Variants in ARHGAP20 observed in about 807,000 individuals in gnomAD.
The protein encoded by ARHGAP20 is rho GTPase-activating protein 20.
In ARHGAP20, 34 loss-of-function variants were observed where a neutral mutation model predicts 73.7. The ratio of observed to expected loss-of-function variants is 0.46; its 90% CI spans 0.35 to 0.61. The LOEUF (loss-of-function observed/expected upper bound fraction) is 0.61, where lower values mean the gene tolerates loss of function less well. Ranked by LOEUF, ARHGAP20 falls within the 20% of genes least tolerant of loss-of-function variation. The pLI is 0.00. For missense variants in ARHGAP20, 1,314 were observed against 1,420.9 expected, an observed-to-expected ratio of 0.92 and a Z score of 1.21; for synonymous variants, 523 against 518.2, an observed-to-expected ratio of 1.01 and a Z score of -0.13.
At chr11:110,687,087 G>GACACACAC (rs71057024) in intron 2 of ARHGAP20, among the ~76,000 whole-genome samples, 1,981 of 136,592 alleles carry the variant, frequency 0.015, 54 homozygotes, top group African/African-American at 0.047. Flanking sequence ...CATATATATA[G>GACACACAC]ACACACACAC....
intron 1 of ARHGAP20, 73 bp downstream of exon 1, chr11:110,712,054 G>A (rs1405643634): frequency 8.8e-6 from 11 of 1,246,192 alleles, no homozygotes; most frequent in Non-Finnish European, 1.1e-5. Flanking sequence ...CTGCTGTGGC[G>A]GGCGCGGAGG....
intron 2 of ARHGAP20, among the ~76,000 whole-genome samples, chr11:110,660,373 T>G (rs894866903): frequency 6.6e-6 from 1 of 152,158 alleles, no homozygotes; most frequent in African/African-American, 2.4e-5. Context: ...GAAAGAACTG[T>G]GTGAACCAGA....
rs772839808 is a variant in ARHGAP20 at position 110,590,638 on chromosome 11, C to A, written c.1305+10G>T. ...CACCATGGGGTGGATAAAGGGATGA[C>A]TCTTCTTACCTTTAAGACAGATGCT... On this transcript the variant is annotated intron_variant, in intron 11 of 14. Transcript: ENST00000683387. The A allele has an allele frequency of 6.2e-7, 1 of 1,609,060 alleles. No individual in the cohort carries two copies. Among genetic ancestry groups the A allele is most frequent in the Non-Finnish European group, 8.5e-7 (1 of 1,177,866 alleles).
At chr11:110,685,490 A>G (rs1340633122) in intron 2 of ARHGAP20, among the ~76,000 whole-genome samples, 1 of 135,478 alleles carries the variant, frequency 7.4e-6, no homozygotes, top group Non-Finnish European at 1.6e-5. Context: ...GAATGGTGCC[A>G]CATTAAAAAA....
intron 11 of ARHGAP20, chr11:110,589,535 G>C: frequency 1.0e-6 from 1 of 985,438 alleles, no homozygotes; most frequent in Non-Finnish European, 1.2e-6. Context: ...TCGACCCCTA[G>C]CTCTGGTGCA....
At chr11:110,584,903 G>A (rs960730015) in intron 12 of ARHGAP20, among the ~76,000 whole-genome samples, 1 of 134,114 alleles carries the variant, frequency 7.5e-6, no homozygotes, top group South Asian at 2.4e-4. Context: ...ATGAATATAT[G>A]TGAATATATA....
At chr11:110,674,358 C>A (rs1467336997) in intron 2 of ARHGAP20, among the ~76,000 whole-genome samples, 2 of 152,140 alleles carry the variant, frequency 1.3e-5, no homozygotes, top group African/African-American at 4.8e-5. Context: ...TAAATTAAAG[C>A]AATTATTAAT....
chr11:110,681,998 T>A (rs1452178785), intron 2 of ARHGAP20, among the ~76,000 whole-genome samples: 1 of 152,182 alleles, frequency 6.6e-6, no homozygotes, highest in Admixed American at 6.5e-5. Context: ...ATTCTAGGCA[T>A]ACTGAGAACC....
intron 12 of ARHGAP20, among the ~76,000 whole-genome samples, chr11:110,584,780 G>A (rs1306184594): frequency 6.6e-6 from 1 of 151,814 alleles, no homozygotes; most frequent in Admixed American, 6.6e-5. Flanking sequence ...CTGCATCCCT[G>A]CCCTGATAGA....
chr11:110,589,455 ATCT>A (rs1476779340), intron 11 of ARHGAP20: 3 of 985,340 alleles, frequency 3.0e-6, no homozygotes, highest in Non-Finnish European at 3.6e-6. Flanking sequence ...GTATGCAAGA[ATCT>A]TCTTCACCAT....
At chr11:110,592,375 T>C (rs77964896) in intron 9 of ARHGAP20, among the ~76,000 whole-genome samples, 2,854 of 152,310 alleles carry the variant, frequency 0.019, 100 homozygotes, top group African/African-American at 0.065. Context: ...GTTTGGGTTC[T>C]TCTCCCATCC....
intron 4 of ARHGAP20, among the ~76,000 whole-genome samples, chr11:110,622,032 T>G (rs1948640078): frequency 6.6e-6 from 1 of 152,236 alleles, no homozygotes; most frequent in Admixed American, 6.5e-5. Flanking sequence ...GCCAGAGATT[T>G]GGGCAGTGTT....
At position 110,650,218 on chromosome 11, in the gene ARHGAP20, T is replaced by C. The variant is rs142142991; in HGVS notation, c.189-19426A>G. 3.6e-3 allele frequency among the ~76,000 whole-genome samples: 552 copies of C among 152,234 alleles called. 2 individuals are homozygous for C. Among genetic ancestry groups the C allele is most frequent in the African/African-American group, 0.012 (516 of 41,558 alleles). The stretch of plus-strand genomic sequence containing the variant: ...CTCCTAGGGGGCACTTTAATTATAG[T>C]ATGTATCGAGGTAGGATGCAAATCT... On this transcript the variant is annotated intron_variant, in intron 2 of 14. Coordinates refer to ENST00000683387, the MANE Select transcript of ARHGAP20 (RefSeq NM_001384657.1).
At chr11:110,665,998 T>C (rs978569291) in intron 2 of ARHGAP20, among the ~76,000 whole-genome samples, 1 of 151,990 alleles carries the variant, frequency 6.6e-6, no homozygotes, top group Non-Finnish European at 1.5e-5. Flanking sequence ...CACACACGTA[T>C]ATATGCGTGT....
At chr11:110,675,837 C>T (rs1949919211) in intron 2 of ARHGAP20, among the ~76,000 whole-genome samples, 1 of 152,190 alleles carries the variant, frequency 6.6e-6, no homozygotes, top group South Asian at 2.1e-4. Context: ...AAGGCAGCTG[C>T]TTTGTTCTCC....
chr11:110,636,512 C>T (rs1948971226), intron 2 of ARHGAP20, among the ~76,000 whole-genome samples: 1 of 152,056 alleles, frequency 6.6e-6, no homozygotes, highest in Non-Finnish European at 1.5e-5. Context: ...CGTGATATTA[C>T]TTTCAAATAA....
In ARHGAP20 at chr11:110,645,157, G is replaced by A. The variant is rs181080716; in HGVS notation, c.189-14365C>T. Among the ~76,000 whole-genome samples the A allele has an allele frequency of 2.2e-3, 331 of 152,024 alleles. 1 individual carries two copies. The highest frequency in any genetic ancestry group is 5.0e-3 in the Admixed American group (77 of 15,254). On this transcript the variant is annotated intron_variant, in intron 2 of 14. Coordinates refer to ENST00000683387, the MANE Select transcript of ARHGAP20 (RefSeq NM_001384657.1). ...CCCGGGTAGCTGGGATTACAGGCAT[G>A]AGCCACCACACCCCGCTAATTTTTG...
rs769254205 is a variant in ARHGAP20, at chr11:110,606,683, G to C, written c.842C>G (p.Ser281Ter). The C allele has an allele frequency of 1.9e-6, 3 of 1,605,058 alleles. No homozygotes were observed. The highest frequency in any genetic ancestry group is 1.8e-5 in the Admixed American group (1 of 56,826). ...LRDSALLTPG[S>*]KDSTTPFNLQ... ...GTTGAAAGGGGTGGTAGAGTCCTTT[G>C]ATCCCGGTGTCAGGAGTGCAGAGTC... is the stretch of plus-strand genomic sequence containing the variant. Residue 281 changes from serine to a stop codon, truncating the protein, a stop_gained, in exon 9 of 15, where the codon TCA becomes TGA. Coordinates refer to ENST00000683387, the MANE Select transcript of ARHGAP20 (RefSeq NM_001384657.1). LOFTEE classifies it high-confidence loss of function.
intron 1 of ARHGAP20, among the ~76,000 whole-genome samples, chr11:110,691,742 T>C (rs1950246760): frequency 6.6e-6 from 1 of 152,170 alleles, no homozygotes; most frequent in Non-Finnish European, 1.5e-5. Context: ...TCCCAAATTA[T>C]TGTCACCACT....
Sources: gnomAD v4.1 joint callset for allele counts (sites outside exome capture counted in the v4.1 genomes callset) on GRCh38, gnomAD v4.1.1 for gene constraint, MANE v1.5 for transcripts, NCBI Gene and HGNC (gene_info 2026-07-23, HGNC 2026-07-21) for gene names.